The following RBM33 variants were observed in gnomAD, a reference collection of about 807,000 sequenced individuals.
The protein encoded by RBM33 is RNA-binding protein 33.
Under a neutral mutation model 132.6 loss-of-function variants are expected in RBM33, and 28 were observed. That is an observed-to-expected ratio of 0.21 (90% CI 0.16 to 0.29). RBM33 has a LOEUF of 0.29. RBM33 is among the 10% of genes least tolerant of loss of function. The probability of loss-of-function intolerance (pLI) is 1.00; values close to 1 mark genes in which losing one functional copy is unlikely to be tolerated. For missense variants in RBM33, 1,291 were observed against 1,518.5 expected, an observed-to-expected ratio of 0.85 and a Z score of 2.49; for synonymous variants, 634 against 593.0, an observed-to-expected ratio of 1.07 and a Z score of -1.01.
intron 14 of RBM33, among the ~76,000 whole-genome samples, chr7:155,749,988 G>A (rs1322682663): frequency 6.6e-6 from 1 of 152,218 alleles, no homozygotes; most frequent in Non-Finnish European, 1.5e-5. Flanking sequence ...ATCAATTTCT[G>A]TGTACGTGAA....
intron 9 of RBM33, among the ~76,000 whole-genome samples, chr7:155,733,239 C>T (rs1303419511): frequency 6.6e-6 from 1 of 152,112 alleles, no homozygotes; most frequent in Non-Finnish European, 1.5e-5. Flanking sequence ...TGGGGGTACA[C>T]TACCATTTTT....
intron 13 of RBM33, 99 bp downstream of exon 13, chr7:155,742,205 T>A: frequency 1.6e-5 from 18 of 1,149,074 alleles, no homozygotes; most frequent in Non-Finnish European, 1.9e-5. Context: ...ATTCACAAAA[T>A]CTTCCCACTT....
intron 5 of RBM33, among the ~76,000 whole-genome samples, chr7:155,690,199 G>T (rs1799594913): frequency 6.6e-6 from 1 of 152,138 alleles, no homozygotes; most frequent in Non-Finnish European, 1.5e-5. Flanking sequence ...TCTTCTTGTT[G>T]AATTGATCCC....
chr7:155,723,668 G>A (rs547584811), intron 9 of RBM33, among the ~76,000 whole-genome samples: 1 of 152,314 alleles, frequency 6.6e-6, no homozygotes, highest in African/African-American at 2.4e-5. Flanking sequence ...TGGTCAGCAT[G>A]CGTTGCATGT....
At chr7:155,701,325 G>T in intron 6 of RBM33, 1 of 308,964 alleles carries the variant, frequency 3.2e-6, no homozygotes. Context: ...GCGAATTCTG[G>T]ACAAGACCGG....
At chr7:155,735,541 C>T (rs1404861886) in intron 9 of RBM33, among the ~76,000 whole-genome samples, 1 of 151,580 alleles carries the variant, frequency 6.6e-6, no homozygotes, top group East Asian at 1.9e-4. Context: ...CCTGCCTCTA[C>T]AAAAAAACTA....
chr7:155,710,308 C>G (rs1209579286), intron 7 of RBM33, among the ~76,000 whole-genome samples: 4 of 152,172 alleles, frequency 2.6e-5, no homozygotes, highest in African/African-American at 9.7e-5. Context: ...TTTCTCCTTT[C>G]CAGCTACTTG....
chr7:155,684,434 T>C (rs1799416907), intron 5 of RBM33, among the ~76,000 whole-genome samples: 1 of 152,192 alleles, frequency 6.6e-6, no homozygotes. Flanking sequence ...TTAAGTTTCA[T>C]ACAAAACCTG....
intron 13 of RBM33, among the ~76,000 whole-genome samples, chr7:155,744,319 GA>G (rs1801446780): frequency 6.6e-6 from 1 of 152,154 alleles, no homozygotes; most frequent in African/African-American, 2.4e-5. Flanking sequence ...GTTTTTCAAA[GA>G]TTTTTTTGTA....
intron 1 of RBM33, chr7:155,645,279 G>A (rs1037341738): frequency 4.4e-6 from 1 of 225,238 alleles, no homozygotes; most frequent in Admixed American, 5.8e-5. Context: ...TGTCACTTAG[G>A]GAGAGCGGGG....
intron 15 of RBM33, among the ~76,000 whole-genome samples, chr7:155,764,467 A>G (rs1802147861): frequency 6.6e-6 from 1 of 152,260 alleles, no homozygotes; most frequent in Admixed American, 6.5e-5. Flanking sequence ...TCTAGGCCAC[A>G]GTTCCCAGCT....
intron 2 of RBM33, among the ~76,000 whole-genome samples, chr7:155,670,248 A>G (rs1026838971): frequency 7.2e-5 from 11 of 152,154 alleles, no homozygotes; most frequent in Admixed American, 5.9e-4. Flanking sequence ...TCTTTAGGGA[A>G]CTCTAGAATT....
intron 2 of RBM33, among the ~76,000 whole-genome samples, chr7:155,669,354 GT>G (rs1380426194): frequency 4.6e-5 from 7 of 152,066 alleles, no homozygotes; most frequent in Non-Finnish European, 1.0e-4. Flanking sequence ...CACTCAAAAA[GT>G]TTTTGTTTGT....
chr7:155,708,995 C>A (rs1412027016), intron 7 of RBM33, among the ~76,000 whole-genome samples: 2 of 152,012 alleles, frequency 1.3e-5, no homozygotes, highest in African/African-American at 4.8e-5. Context: ...AGAGATGCCA[C>A]CTGACCCCTT....
intron 5 of RBM33, 111 bp from the exon 6 acceptor site, chr7:155,700,662 A>C: frequency 1.3e-6 from 1 of 748,722 alleles, no homozygotes; most frequent in Non-Finnish European, 2.0e-6. Context: ...ATTTTGCAGT[A>C]TTTTTTACAT....
chr7:155,672,843 C>T (rs1271002391), intron 2 of RBM33, 24 bp from the exon 3 acceptor site: 2 of 1,524,182 alleles, frequency 1.3e-6, no homozygotes, highest in East Asian at 2.5e-5. Flanking sequence ...TAATCATTGA[C>T]ATGTCTCTTT....
At chr7:155,664,230 CTT>C (rs1491503671) in intron 1 of RBM33, among the ~76,000 whole-genome samples, 3 of 135,484 alleles carry the variant, frequency 2.2e-5, no homozygotes, top group South Asian at 2.2e-4. Context: ...CACATTATGA[CTT>C]ATATATATAT....
chr7:155,759,511 G>A (rs1472433580), intron 14 of RBM33, among the ~76,000 whole-genome samples: 12 of 147,222 alleles, frequency 8.2e-5, no homozygotes, highest in African/African-American at 2.3e-4. Context: ...TCCGCCTCCC[G>A]GGTTCACGCC....
chr7:155,734,640 A>G (rs1489846079), intron 9 of RBM33, among the ~76,000 whole-genome samples: 1 of 152,104 alleles, frequency 6.6e-6, no homozygotes, highest in Non-Finnish European at 1.5e-5. Flanking sequence ...AAATTCTTCT[A>G]ATGAATCTTA....
Sources: allele counts gnomAD v4.1 joint callset (sites outside exome capture counted in the v4.1 genomes callset), GRCh38; gene constraint gnomAD v4.1.1; transcripts MANE v1.5; gene names NCBI Gene and HGNC (gene_info 2026-07-23, HGNC 2026-07-21).